PCOLCE2: variants seen among roughly 807,000 people sequenced by gnomAD.
The protein encoded by PCOLCE2 is procollagen C-endopeptidase enhancer 2.
PCOLCE2 carries 42 observed loss-of-function variants against 47.0 expected under a neutral mutation model. The observed-to-expected ratio is 0.89, with a 90% CI of 0.70 to 1.16. The LOEUF is 1.16. Ranked by LOEUF, PCOLCE2 falls within the 50% of genes most tolerant of loss-of-function variation. The pLI is 0.00. For synonymous variants in PCOLCE2, 169 were observed against 191.7 expected (o/e 0.88, Z 0.98); for missense variants, 500 against 526.1 (o/e 0.95, Z 0.49).
chr3:142,828,916 C>T (rs1371203743), intron 6 of PCOLCE2, among the ~76,000 whole-genome samples: 1 of 152,208 alleles, frequency 6.6e-6, no homozygotes, highest in Non-Finnish European at 1.5e-5. Flanking sequence ...AACGTTAGAC[C>T]CAGAGGCGCC....
chr3:142,871,582 T>A (rs887843700), intron 2 of PCOLCE2, among the ~76,000 whole-genome samples: 1 of 152,192 alleles, frequency 6.6e-6, no homozygotes, highest in African/African-American at 2.4e-5. Context: ...CTCGATAATG[T>A]GGGTGGCCCT....
At chr3:142,841,209 T>C (rs1472538120) in intron 4 of PCOLCE2, among the ~76,000 whole-genome samples, 1 of 152,082 alleles carries the variant, frequency 6.6e-6, no homozygotes, top group African/African-American at 2.4e-5. Flanking sequence ...AAAATTCCAA[T>C]GAAATTCCTT....
At chr3:142,838,677 A>C in intron 5 of PCOLCE2, 93 bp downstream of exon 5, 1 of 1,172,048 alleles carries the variant, frequency 8.5e-7, no homozygotes, top group Non-Finnish European at 1.2e-6. Context: ...CAACAACATA[A>C]AATCTTCCAG....
intron 3 of PCOLCE2, among the ~76,000 whole-genome samples, chr3:142,844,733 T>TA: frequency 6.6e-6 from 1 of 152,338 alleles, no homozygotes; most frequent in East Asian, 1.9e-4. Flanking sequence ...TTTTTATACT[T>TA]ACTGGAATCT....
intron 2 of PCOLCE2, among the ~76,000 whole-genome samples, chr3:142,880,238 TAAA>T (rs74558225): frequency 7.1e-6 from 1 of 140,136 alleles, no homozygotes; most frequent in Non-Finnish European, 1.6e-5. Context: ...ACATATACAT[TAAA>T]AAAAAAAAAA....
chr3:142,874,743 C>T (rs950020588), intron 2 of PCOLCE2, among the ~76,000 whole-genome samples: 1 of 152,090 alleles, frequency 6.6e-6, no homozygotes, highest in African/African-American at 2.4e-5. Context: ...ACTATGTTAG[C>T]TACCAGGAAA....
intron 6 of PCOLCE2, among the ~76,000 whole-genome samples, chr3:142,823,910 C>G (rs956161830): frequency 6.6e-6 from 1 of 152,144 alleles, no homozygotes; most frequent in African/African-American, 2.4e-5. Context: ...TAAGAAAATA[C>G]AGGCGTACTC....
At chr3:142,848,176 C>A in intron 3 of PCOLCE2, 41 bp downstream of exon 3, 2 of 1,592,464 alleles carry the variant, frequency 1.3e-6, no homozygotes, top group Admixed American at 1.7e-5. Context: ...GAACAGTGAA[C>A]CAACATTACT....
intron 2 of PCOLCE2, among the ~76,000 whole-genome samples, chr3:142,883,965 G>C (rs1234620199): frequency 1.3e-5 from 2 of 152,166 alleles, no homozygotes; most frequent in Non-Finnish European, 2.9e-5. Context: ...CATCCTAGCA[G>C]GTAGCTCCCC....
At chr3:142,821,842 G>A (rs576446148) in intron 7 of PCOLCE2, among the ~76,000 whole-genome samples, 3 of 151,942 alleles carry the variant, frequency 2.0e-5, no homozygotes, top group African/African-American at 4.8e-5. Flanking sequence ...ACGGGGGTGC[G>A]CCTGGCATTC....
chr3:142,888,515 C>A (rs553878788), intron 1 of PCOLCE2: 12 of 340,736 alleles, frequency 3.5e-5, no homozygotes, highest in East Asian at 3.0e-4. Flanking sequence ...CCCATAGACA[C>A]GAGGAGAGGG....
intron 2 of PCOLCE2, among the ~76,000 whole-genome samples, chr3:142,879,373 T>C (rs1156396449): frequency 6.6e-6 from 1 of 152,164 alleles, no homozygotes; most frequent in East Asian, 1.9e-4. Flanking sequence ...TACAAATAAG[T>C]ATATTTATAA....
intron 3 of PCOLCE2, among the ~76,000 whole-genome samples, chr3:142,846,292 G>A (rs1182192777): frequency 6.6e-6 from 1 of 152,194 alleles, no homozygotes; most frequent in Non-Finnish European, 1.5e-5. Flanking sequence ...TCTGCCTGCA[G>A]GTTCAAGCGA....
chr3:142,855,311 T>C (rs574076606), intron 2 of PCOLCE2, among the ~76,000 whole-genome samples: 1 of 150,062 alleles, frequency 6.7e-6, no homozygotes, highest in East Asian at 1.9e-4. Context: ...AAATATTCAT[T>C]GAATAAATGA....
At chr3:142,818,956 G>A (rs898756928) in intron 8 of PCOLCE2, among the ~76,000 whole-genome samples, 9 of 152,170 alleles carry the variant, frequency 5.9e-5, no homozygotes, top group Non-Finnish European at 1.2e-4. Context: ...GGGGCCTCCA[G>A]GGCTCCATGA....
intron 5 of PCOLCE2, among the ~76,000 whole-genome samples, chr3:142,830,513 A>G (rs1294119588): frequency 6.6e-6 from 1 of 152,216 alleles, no homozygotes; most frequent in Non-Finnish European, 1.5e-5. Context: ...AAACATTTCT[A>G]TTATAATCTC....
intron 7 of PCOLCE2, among the ~76,000 whole-genome samples, chr3:142,821,450 G>A (rs1231071909): frequency 6.6e-6 from 1 of 152,138 alleles, no homozygotes; most frequent in African/African-American, 2.4e-5. Context: ...CGCGATGGGG[G>A]TTTGGGCCAC....
chr3:142,860,013 C>G (rs1463409162), intron 2 of PCOLCE2, among the ~76,000 whole-genome samples: 1 of 152,150 alleles, frequency 6.6e-6, no homozygotes, highest in Non-Finnish European at 1.5e-5. Context: ...CATTAAATTG[C>G]TACAAAAGAG....
chr3:142,832,308 T>C (rs1486720034), intron 5 of PCOLCE2, among the ~76,000 whole-genome samples: 2 of 152,202 alleles, frequency 1.3e-5, no homozygotes, highest in African/African-American at 4.8e-5. Context: ...CTAGAGCCTC[T>C]GGTCCTGTCA....
Sources: gnomAD v4.1 joint callset for allele counts (sites outside exome capture counted in the v4.1 genomes callset) on GRCh38, gnomAD v4.1.1 for gene constraint, MANE v1.5 for transcripts, NCBI Gene and HGNC (gene_info 2026-07-23, HGNC 2026-07-21) for gene names.